Variants in SGCZ observed in about 807,000 individuals in gnomAD.
The protein encoded by SGCZ is zeta-sarcoglycan.
SGCZ carries 40 observed loss-of-function variants against 41.3 expected under a neutral mutation model. That is an observed-to-expected ratio of 0.97 (90% CI 0.75 to 1.26). The LOEUF is 1.26. Among genes scored for constraint, SGCZ ranks in the 50% most tolerant of loss-of-function variants. The pLI is 0.00. For synonymous variants in SGCZ, 206 were observed against 137.5 expected, an observed-to-expected ratio of 1.50 and a Z score of -3.49; for missense variants, 552 against 369.8, an observed-to-expected ratio of 1.49 and a Z score of -4.04.
intron 1 of SGCZ, among the ~76,000 whole-genome samples, chr8:14,660,673 A>G (rs1012461190): frequency 2.6e-5 from 4 of 151,948 alleles, no homozygotes; most frequent in Admixed American, 6.6e-5. Context: ...ACTTGAGTTT[A>G]GCTCTCAGAG....
intron 2 of SGCZ, among the ~76,000 whole-genome samples, chr8:14,431,712 T>C (rs1310659864): frequency 6.6e-6 from 1 of 152,152 alleles, no homozygotes; most frequent in Admixed American, 6.6e-5. Flanking sequence ...GAAAGAACTT[T>C]TGCACGGCAA....
chr8:14,312,290 T>G (rs79344103), intron 3 of SGCZ, among the ~76,000 whole-genome samples: 2,594 of 152,288 alleles, frequency 0.017, 25 homozygotes, highest in Non-Finnish European at 0.024. Flanking sequence ...ACTGCTAATA[T>G]ATTTTTTGTG....
intron 1 of SGCZ, among the ~76,000 whole-genome samples, chr8:15,161,302 C>T (rs1004527475): frequency 3.0e-4 from 46 of 152,160 alleles, no homozygotes; most frequent in African/African-American, 1.1e-3. Context: ...TAAGGTCTTT[C>T]CCAGGTAACC....
chr8:14,396,021 A>C (rs968162120), intron 2 of SGCZ, among the ~76,000 whole-genome samples: 2 of 152,170 alleles, frequency 1.3e-5, no homozygotes, highest in African/African-American at 4.8e-5. Flanking sequence ...TTATGATCGG[A>C]GAGAGGGTAC....
chr8:15,205,503 A>G (rs934504875), intron 1 of SGCZ, among the ~76,000 whole-genome samples: 1 of 152,168 alleles, frequency 6.6e-6, no homozygotes, highest in Admixed American at 6.5e-5. Context: ...CATCAAAGAA[A>G]AGCTCATTAT....
At chr8:14,404,298 C>T (rs1348552152) in intron 2 of SGCZ, among the ~76,000 whole-genome samples, 1 of 151,878 alleles carries the variant, frequency 6.6e-6, no homozygotes, top group Non-Finnish European at 1.5e-5. Flanking sequence ...TTATATTATG[C>T]CAAATAAATT....
intron 2 of SGCZ, among the ~76,000 whole-genome samples, chr8:14,502,602 A>G (rs1802185656): frequency 7.0e-6 from 1 of 143,190 alleles, no homozygotes; most frequent in Admixed American, 7.2e-5. Context: ...ACTTAAACAA[A>G]TTTACAAGAA....
At chr8:15,053,071 G>A (rs1804574574) in intron 1 of SGCZ, among the ~76,000 whole-genome samples, 2 of 152,064 alleles carry the variant, frequency 1.3e-5, no homozygotes, top group Admixed American at 1.3e-4. Flanking sequence ...TCTAACCCAA[G>A]CTCAGTAACT....
intron 2 of SGCZ, among the ~76,000 whole-genome samples, chr8:14,411,112 C>A (rs1006756817): frequency 2.0e-5 from 3 of 151,928 alleles, no homozygotes; most frequent in African/African-American, 7.2e-5. Flanking sequence ...ATCATTATGG[C>A]GCCAACCAAT....
intron 1 of SGCZ, among the ~76,000 whole-genome samples, chr8:14,779,604 A>C (rs1019642913): frequency 3.9e-5 from 6 of 152,250 alleles, no homozygotes; most frequent in African/African-American, 1.4e-4. Context: ...AATGAAAAAT[A>C]AATTATGGTA....
At chr8:14,196,346 T>A (rs1244093187) in intron 4 of SGCZ, among the ~76,000 whole-genome samples, 1 of 151,884 alleles carries the variant, frequency 6.6e-6, no homozygotes, top group Non-Finnish European at 1.5e-5. Flanking sequence ...TCACAGCAAC[T>A]TCCGCCTCCT....
chr8:14,728,379 G>GAA (rs35151621), intron 1 of SGCZ, among the ~76,000 whole-genome samples: 20 of 138,308 alleles, frequency 1.4e-4, no homozygotes, highest in East Asian at 4.3e-4. Flanking sequence ...AGAGTGGAAA[G>GAA]AAAAAAAAAA....
At chr8:14,302,621 C>G (rs1040855697) in intron 3 of SGCZ, among the ~76,000 whole-genome samples, 3 of 152,080 alleles carry the variant, frequency 2.0e-5, no homozygotes, top group Non-Finnish European at 2.9e-5. Context: ...TCATCTGCCC[C>G]TCTACCTTTA....
chr8:14,748,748 C>A (rs551441360), intron 1 of SGCZ, among the ~76,000 whole-genome samples: 1 of 139,580 alleles, frequency 7.2e-6, no homozygotes, highest in East Asian at 2.0e-4. Flanking sequence ...GCATGTTGAA[C>A]ACTAGAAATA....
chr8:14,875,559 T>C (rs113427282), intron 1 of SGCZ, among the ~76,000 whole-genome samples: 2,161 of 152,246 alleles, frequency 0.014, 59 homozygotes, highest in African/African-American at 0.048. Flanking sequence ...AAAGCACGTG[T>C]TAAGAGTAGC....
At chr8:14,927,782 C>G (rs1186389499) in intron 1 of SGCZ, among the ~76,000 whole-genome samples, 1 of 152,082 alleles carries the variant, frequency 6.6e-6, no homozygotes, top group Admixed American at 6.5e-5. Flanking sequence ...ATGGTCTTGC[C>G]TTATTAAAGG....
rs117117534 is a variant in SGCZ at position 15,235,221 on chromosome 8, G to A, written c.39+2364C>T. 3.0e-3 allele frequency among the ~76,000 whole-genome samples: 454 copies of A among 152,204 alleles called. 19 individuals are homozygous for A. The East Asian group carries it at 0.076, about 25-fold the overall frequency. Reference sequence around the variant, plus strand: ...AAGAAATCTAGACAAGTTATTCCACGCGCACTGCATCCATCTCTACAAACT... The same window carrying A: ...AAGAAATCTAGACAAGTTATTCCACACGCACTGCATCCATCTCTACAAACT... On this transcript the variant is annotated intron_variant, in intron 1 of 7. Coordinates refer to ENST00000382080, the MANE Select transcript of SGCZ (RefSeq NM_139167.4).
intron 1 of SGCZ, among the ~76,000 whole-genome samples, chr8:14,899,999 A>T (rs941624647): frequency 6.6e-6 from 1 of 152,100 alleles, no homozygotes; most frequent in Non-Finnish European, 1.5e-5. Flanking sequence ...TGTTATTCTC[A>T]TTCTCTGAGA....
At chr8:15,092,042 C>T (rs529748011) in intron 1 of SGCZ, among the ~76,000 whole-genome samples, 4 of 152,214 alleles carry the variant, frequency 2.6e-5, no homozygotes, top group Admixed American at 1.3e-4. Flanking sequence ...GATGAGGCAC[C>T]GTGCCTGGCC....
Sources: gnomAD v4.1 joint callset for allele counts (sites outside exome capture counted in the v4.1 genomes callset) on GRCh38, gnomAD v4.1.1 for gene constraint, MANE v1.5 for transcripts, NCBI Gene and HGNC (gene_info 2026-07-23, HGNC 2026-07-21) for gene names.